The following DENND5A variants were observed in gnomAD, a reference collection of about 807,000 sequenced individuals.
The protein encoded by DENND5A is DENN domain containing 5A.
Under a neutral mutation model 140.3 loss-of-function variants are expected in DENND5A, and 64 were observed. That is an observed-to-expected ratio of 0.46 (90% CI 0.37 to 0.56). The LOEUF (loss-of-function observed/expected upper bound fraction) is 0.56. DENND5A is among the 20% of genes least tolerant of loss of function. The pLI, the probability that DENND5A is intolerant of heterozygous loss-of-function variation, is 0.00. For missense variants in DENND5A, 1,292 were observed against 1,593.8 expected, an observed-to-expected ratio of 0.81 and a Z score of 3.22; for synonymous variants, 605 against 607.7, an observed-to-expected ratio of 1.00 and a Z score of 0.07.
At chr11:9,200,890 T>G (rs1413984360) in intron 4 of DENND5A, among the ~76,000 whole-genome samples, 1 of 152,228 alleles carries the variant, frequency 6.6e-6, no homozygotes, top group Non-Finnish European at 1.5e-5. Flanking sequence ...TTAACAACAT[T>G]TATTGAGCAC....
intron 1 of DENND5A, among the ~76,000 whole-genome samples, chr11:9,224,515 A>G (rs956930320): frequency 2.0e-5 from 3 of 152,132 alleles, no homozygotes; most frequent in Non-Finnish European, 4.4e-5. Flanking sequence ...AATAACCTTT[A>G]TACCCTTCTT....
At chr11:9,252,784 T>G (rs1300381150) in intron 1 of DENND5A, among the ~76,000 whole-genome samples, 9 of 152,066 alleles carry the variant, frequency 5.9e-5, no homozygotes, top group Admixed American at 5.9e-4. Context: ...TTCCTTCATG[T>G]GTACCCAGGT....
At chr11:9,161,221 G>A (rs1282386650) in intron 11 of DENND5A, among the ~76,000 whole-genome samples, 4 of 152,110 alleles carry the variant, frequency 2.6e-5, no homozygotes, top group Non-Finnish European at 5.9e-5. Flanking sequence ...GGTGGCGGGC[G>A]CCTGTGGTCC....
intron 1 of DENND5A, among the ~76,000 whole-genome samples, chr11:9,248,295 C>A (rs2136285356): frequency 6.6e-6 from 1 of 152,052 alleles, no homozygotes; most frequent in East Asian, 1.9e-4. Flanking sequence ...AATTTCGTAT[C>A]TTATTGTCAG....
At chr11:9,264,356 C>G (rs886181507) in intron 1 of DENND5A, among the ~76,000 whole-genome samples, 1 of 152,162 alleles carries the variant, frequency 6.6e-6, no homozygotes, top group Non-Finnish European at 1.5e-5. Flanking sequence ...TCAAAAAAGG[C>G]ATGGCCCCGG....
chr11:9,142,821 A>T lies in DENND5A; in HGVS notation c.3412T>A (p.Cys1138Ser). ...GCCGAGACAAGGCCACACTCTCCAC[A>T]GAGCAACAGCGTCAGACTGCCTCGC... ...KERGSLTLLL[C>S]GECGLVSALE... Residue 1138 changes from cysteine (C) to serine (S), a missense_variant, in exon 21 of 23, where the codon TGT becomes AGT. Coordinates refer to ENST00000328194, the MANE Select transcript of DENND5A (RefSeq NM_015213.4). 1 of 1,614,212 alleles carries T rather than the reference A, an allele frequency of 6.2e-7. No individual in the cohort carries two copies. The highest frequency in any genetic ancestry group is 1.1e-5 in the South Asian group (1 of 91,086).
chr11:9,181,084 C>T lies in DENND5A; in HGVS notation c.1138G>A (p.Ala380Thr). 6.2e-7 allele frequency: 1 copy of T among 1,610,824 alleles called. No individual in the cohort carries two copies. Among genetic ancestry groups the T allele is most frequent in the Non-Finnish European group, 8.5e-7 (1 of 1,178,046 alleles). Residue 380 changes from alanine (A) to threonine (T), a missense_variant and splice_region_variant, in exon 6 of 23, where the codon GCT (alanine) becomes ACT (threonine). Coordinates refer to ENST00000328194, the MANE Select transcript of DENND5A (RefSeq NM_015213.4). ...TCAATGTCCACAAAGCAGAGGTTAG[C>T]CTGGAAGTCAAAACAGGATGAGGAG... ...DRSKLELPQE[A>T]NLCFVDIDNH... is the part of the protein sequence containing the mutation.
chr11:9,244,629 A>G (rs975945913), intron 1 of DENND5A, among the ~76,000 whole-genome samples: 3 of 152,168 alleles, frequency 2.0e-5, no homozygotes, highest in Non-Finnish European at 4.4e-5. Context: ...TCGGCCTCCC[A>G]AAGTGCTGGG....
chr11:9,143,420 G>C lies in DENND5A; in HGVS notation c.3370C>G (p.His1124Asp), dbSNP rs752036426. 1.2e-6 allele frequency: 2 copies of C among 1,614,072 alleles called. No individual in the cohort carries two copies. Residue 1124 changes from histidine to aspartate, a missense_variant, in exon 20 of 23, where the codon CAT (histidine) becomes GAT (aspartate). Transcript: ENST00000328194. ...AGGCTCACCTCTTTCTCAGGCTTAT[G>C]GAAGTGCTTCACAATGCCATTGACT... is the stretch of plus-strand genomic sequence containing the variant. ...EAVNGIVKHF[H>D]KPEKERGSLT...
intron 4 of DENND5A, among the ~76,000 whole-genome samples, chr11:9,194,517 C>T (rs1406498800): frequency 1.3e-5 from 2 of 150,866 alleles, no homozygotes; most frequent in East Asian, 2.0e-4. Flanking sequence ...TGCAGTGAGC[C>T]GAGACTGCAC....
At chr11:9,240,391 C>T (rs559069179) in intron 1 of DENND5A, among the ~76,000 whole-genome samples, 7 of 152,006 alleles carry the variant, frequency 4.6e-5, no homozygotes, top group Admixed American at 1.3e-4. Context: ...GTGAAAACTC[C>T]GTCTCAAAAA....
At chr11:9,183,518 C>A (rs1362548049) in intron 5 of DENND5A, among the ~76,000 whole-genome samples, 9 of 151,534 alleles carry the variant, frequency 5.9e-5, no homozygotes, top group Admixed American at 5.9e-4. Context: ...CTCACTGCAG[C>A]CTTGACTTCC....
intron 1 of DENND5A, among the ~76,000 whole-genome samples, chr11:9,215,738 T>G (rs1326143971): frequency 1.3e-5 from 2 of 151,846 alleles, no homozygotes; most frequent in African/African-American, 4.8e-5. Context: ...TTAGTAAAGA[T>G]AGGGTTTCGC....
At chr11:9,253,002 CACT>C (rs1271550302) in intron 1 of DENND5A, among the ~76,000 whole-genome samples, 2 of 150,470 alleles carry the variant, frequency 1.3e-5, no homozygotes, top group Admixed American at 6.7e-5. Context: ...AGACATACAC[CACT>C]ACACCAGGCT....
At chr11:9,201,592 C>G (rs1849525868) in intron 4 of DENND5A, among the ~76,000 whole-genome samples, 1 of 151,946 alleles carries the variant, frequency 6.6e-6, no homozygotes. Flanking sequence ...ATCACTTGAG[C>G]ATGGGAGGAC....
chr11:9,185,677 T>G (rs1848886965), intron 5 of DENND5A, among the ~76,000 whole-genome samples: 1 of 152,176 alleles, frequency 6.6e-6, no homozygotes, highest in African/African-American at 2.4e-5. Context: ...AAGATGTATA[T>G]GTGTCTGTGT....
intron 1 of DENND5A, among the ~76,000 whole-genome samples, chr11:9,258,205 C>G (rs887259091): frequency 6.6e-6 from 1 of 152,038 alleles, no homozygotes; most frequent in African/African-American, 2.4e-5. Context: ...CATGGCATGG[C>G]ATGGTGGTTT....
chr11:9,140,484 C>G (rs1847200465), intron 22 of DENND5A, among the ~76,000 whole-genome samples: 1 of 152,186 alleles, frequency 6.6e-6, no homozygotes, highest in Non-Finnish European at 1.5e-5. Context: ...TCTCACCTGA[C>G]CTACAGGAAT....
intron 1 of DENND5A, among the ~76,000 whole-genome samples, chr11:9,233,503 A>G (rs1850866504): frequency 6.6e-6 from 1 of 152,112 alleles, no homozygotes; most frequent in Non-Finnish European, 1.5e-5. Flanking sequence ...AATCTCCAGA[A>G]GCTATGAATG....
Sources: allele counts gnomAD v4.1 joint callset (sites outside exome capture counted in the v4.1 genomes callset), GRCh38; gene constraint gnomAD v4.1.1; transcripts MANE v1.5; gene names NCBI Gene and HGNC (gene_info 2026-07-23, HGNC 2026-07-21).